The following FAM168A variants were observed in gnomAD, a reference collection of about 807,000 sequenced individuals.
The protein encoded by FAM168A is family with sequence similarity 168 member A.
FAM168A carries 3 observed loss-of-function variants against 28.5 expected under a neutral mutation model. That is an observed-to-expected ratio of 0.11 (90% CI 0.05 to 0.27). FAM168A has a LOEUF of 0.27. FAM168A is among the 10% of genes least tolerant of loss of function. FAM168A has a pLI of 1.00. For synonymous variants in FAM168A, 122 were observed against 124.2 expected, an observed-to-expected ratio of 0.98 and a Z score of 0.12; for missense variants, 222 against 311.5, an observed-to-expected ratio of 0.71 and a Z score of 2.16.
chr11:73,531,738 A>G (rs1281954541), intron 1 of FAM168A, among the ~76,000 whole-genome samples: 2 of 151,320 alleles, frequency 1.3e-5, no homozygotes, highest in Non-Finnish European at 2.9e-5. Flanking sequence ...TCTGCCCACA[A>G]TGCCTTTCAT....
At chr11:73,505,053 A>G (rs1315204637) in intron 1 of FAM168A, among the ~76,000 whole-genome samples, 1 of 152,142 alleles carries the variant, frequency 6.6e-6, no homozygotes, top group Non-Finnish European at 1.5e-5. Context: ...CACTAGGTAC[A>G]GCAAACCACC....
chr11:73,467,963 T>C (rs1590798903), intron 2 of FAM168A, among the ~76,000 whole-genome samples: 1 of 152,220 alleles, frequency 6.6e-6, no homozygotes, highest in East Asian at 1.9e-4. Flanking sequence ...ACAGTTACAG[T>C]TATATCAGGC....
At chr11:73,505,303 A>G (rs904218001) in intron 1 of FAM168A, among the ~76,000 whole-genome samples, 4 of 151,700 alleles carry the variant, frequency 2.6e-5, no homozygotes, top group Admixed American at 6.6e-5. Context: ...TTCTGGCTCC[A>G]CTGCTAACCT....
At position 73,517,706 on chromosome 11, in the gene FAM168A, T is replaced by C. The variant is rs148407632; in HGVS notation, c.-18-49214A>G. ...ATACTATACAACCTTGTTTATACTA[T>C]ACGACCTTGGCTCAGGAATACCAAT... On this transcript the variant is annotated intron_variant, in intron 1 of 7. Coordinates refer to ENST00000356467, the MANE Select transcript of FAM168A (RefSeq NM_015159.3). Among the ~76,000 whole-genome samples the C allele has an allele frequency of 7.2e-5, 11 of 152,326 alleles. No homozygotes were observed. In the East Asian group the frequency reaches 1.5e-3, roughly 21 times the overall value.
At chr11:73,474,189 A>G (rs1311249672) in intron 1 of FAM168A, among the ~76,000 whole-genome samples, 1 of 152,188 alleles carries the variant, frequency 6.6e-6, no homozygotes. Flanking sequence ...TTAATAATGA[A>G]CAGAAATTTA....
At chr11:73,552,624 A>G (rs1430140977) in intron 1 of FAM168A, among the ~76,000 whole-genome samples, 1 of 152,200 alleles carries the variant, frequency 6.6e-6, no homozygotes, top group African/African-American at 2.4e-5. Context: ...ACCTGGCACG[A>G]AAGAGGTACT....
At chr11:73,566,502 T>C (rs897980291) in intron 1 of FAM168A, among the ~76,000 whole-genome samples, 2 of 152,186 alleles carry the variant, frequency 1.3e-5, no homozygotes, top group African/African-American at 2.4e-5. Flanking sequence ...GAAAGACAAT[T>C]AAGCATCCAT....
At chr11:73,433,597 A>T (rs933285082) in intron 2 of FAM168A, among the ~76,000 whole-genome samples, 3 of 152,090 alleles carry the variant, frequency 2.0e-5, no homozygotes, top group African/African-American at 7.2e-5. Flanking sequence ...TATATATTCT[A>T]CTTTTTCACT....
At chr11:73,448,976 T>C (rs1867376408) in intron 2 of FAM168A, among the ~76,000 whole-genome samples, 1 of 152,140 alleles carries the variant, frequency 6.6e-6, no homozygotes, top group Non-Finnish European at 1.5e-5. Flanking sequence ...TCTCTATCTT[T>C]CCTTTCTTTC....
intron 2 of FAM168A, among the ~76,000 whole-genome samples, chr11:73,443,836 C>A (rs1867249503): frequency 6.6e-6 from 1 of 152,176 alleles, no homozygotes; most frequent in Non-Finnish European, 1.5e-5. Flanking sequence ...AGTATCTATT[C>A]TATGTTAGCA....
At chr11:73,516,188 G>T (rs1338924230) in intron 1 of FAM168A, among the ~76,000 whole-genome samples, 1 of 151,794 alleles carries the variant, frequency 6.6e-6, no homozygotes, top group Non-Finnish European at 1.5e-5. Context: ...ACATCTGGGA[G>T]CTCTATAAAA....
intron 1 of FAM168A, among the ~76,000 whole-genome samples, chr11:73,511,247 C>CT (rs1855220083): frequency 1.4e-5 from 2 of 146,462 alleles, no homozygotes; most frequent in Admixed American, 6.8e-5. Flanking sequence ...CTTTTTTTTT[C>CT]TTTTTTTTGA....
chr11:73,544,699 G>A (rs185705381), intron 1 of FAM168A, among the ~76,000 whole-genome samples: 597 of 102,572 alleles, frequency 5.8e-3, no homozygotes, highest in African/African-American at 0.02. Context: ...TATTTTATAT[G>A]TAATTATATA....
intron 1 of FAM168A, among the ~76,000 whole-genome samples, chr11:73,589,495 G>GAAAA (rs780232062): frequency 1.5e-5 from 1 of 64,984 alleles, no homozygotes; most frequent in African/African-American, 5.8e-5. Flanking sequence ...CTGATAAGCT[G>GAAAA]AAAAAAAAAA....
rs56294455 is a variant in FAM168A, at chr11:73,445,419, C to CTTTTTTTTTTTTT, written c.71-14662_71-14650dup. Reference sequence around the variant, plus strand: ...CCAGTAGATATATGTAAAAATGTCTCTTTTTTTTTTTTTTTTTTTTTTTTT... The same window carrying CTTTTTTTTTTTTT: ...CCAGTAGATATATGTAAAAATGTCTCTTTTTTTTTTTTTTTTTTTTTTTTTTTTTTTTTTTTTT... On this transcript the variant is annotated intron_variant, in intron 2 of 7. Transcript: ENST00000356467. 5.3e-3 allele frequency among the ~76,000 whole-genome samples: 266 copies of CTTTTTTTTTTTTT among 50,466 alleles called. 30 individuals are homozygous for CTTTTTTTTTTTTT. The highest frequency in any genetic ancestry group is 7.3e-3 in the Non-Finnish European group (199 of 27,324). The allele number at this position is 50,466 out of a possible 152,430, so 33.1% of individuals were successfully genotyped here.
At chr11:73,560,052 A>G (rs576380755) in intron 1 of FAM168A, among the ~76,000 whole-genome samples, 3 of 152,146 alleles carry the variant, frequency 2.0e-5, no homozygotes, top group African/African-American at 7.2e-5. Context: ...GAAAAGGCCA[A>G]TGAAGGTTTT....
chr11:73,409,454 A>G, intron 6 of FAM168A, 33 bp downstream of exon 6: 1 of 1,609,362 alleles, frequency 6.2e-7, no homozygotes, highest in South Asian at 1.1e-5. Flanking sequence ...CCTAGAGGAA[A>G]GGGATGGACA....
intron 1 of FAM168A, among the ~76,000 whole-genome samples, chr11:73,504,445 A>G (rs966024928): frequency 6.6e-6 from 1 of 152,238 alleles, no homozygotes; most frequent in African/African-American, 2.4e-5. Context: ...AATGAAAACC[A>G]CAATGAGATA....
intron 1 of FAM168A, among the ~76,000 whole-genome samples, chr11:73,520,568 C>T (rs1590830162): frequency 6.6e-6 from 1 of 152,104 alleles, no homozygotes; most frequent in Admixed American, 6.6e-5. Flanking sequence ...AAAGACAGGG[C>T]TGACTTTCTC....
Sources: allele counts gnomAD v4.1 joint callset (sites outside exome capture counted in the v4.1 genomes callset), GRCh38; gene constraint gnomAD v4.1.1; transcripts MANE v1.5; gene names NCBI Gene and HGNC (gene_info 2026-07-23, HGNC 2026-07-21).